Variants in PRPF38B observed in about 807,000 individuals in gnomAD.
The protein encoded by PRPF38B is pre-mRNA processing factor 38B.
Under a neutral mutation model 67.2 loss-of-function variants are expected in PRPF38B, and 18 were observed. The observed-to-expected ratio is 0.27, with a 90% CI of 0.19 to 0.40. PRPF38B has a LOEUF of 0.40. Ranked by LOEUF, PRPF38B falls within the 10% of genes least tolerant of loss-of-function variation. The probability of loss-of-function intolerance (pLI) is 1.00; values close to 1 mark genes in which losing one functional copy is unlikely to be tolerated. For missense variants in PRPF38B, 544 were observed against 684.9 expected (o/e 0.79, Z 2.30); for synonymous variants, 246 against 234.2 (o/e 1.05, Z -0.46).
rs6672613 is a variant in PRPF38B, at chr1:108,699,090, A to C, written c.783-72A>C. ...AGGACATGAATAAATAATGCTGTTG[A>C]AAGTTTTACTGTGAAAAGAATTGCA... On this transcript the variant is annotated intron_variant, in intron 5 of 5. Transcript: ENST00000370025. 2.0e-3 allele frequency: 2,976 copies of C among 1,523,810 alleles called. 55 individuals carry two copies. In the African/African-American group the frequency reaches 0.038, roughly 19 times the overall value. The allele number at this position is 1,523,810 out of a possible 1,614,324, so 94.4% of individuals were successfully genotyped here. A position where few individuals can be genotyped will look rare whatever the true frequency, so the allele number is the denominator to read the frequency against.
chr1:108,698,513 G>T, intron 4 of PRPF38B, 91 bp from the exon 5 acceptor site: 1 of 934,428 alleles, frequency 1.1e-6, no homozygotes, highest in Non-Finnish European at 1.6e-6. Context: ...TTTTTGTATT[G>T]AGATTCCAAA....
chr1:108,702,621 A>G lies in PRPF38B; in HGVS notation c.*2601A>G, dbSNP rs1418448303. On this transcript the variant is annotated 3_prime_UTR_variant, in exon 6 of 6. Transcript: ENST00000370025. ...GAGAACATTTGGACACGAACATCAC[A>G]CGCCGGGGCCTGTTGTGGGGTGGGG... is the stretch of plus-strand genomic sequence containing the variant. Among the ~76,000 whole-genome samples the G allele has an allele frequency of 6.6e-6, 1 of 151,976 alleles. No homozygotes were observed. The highest frequency in any genetic ancestry group is 1.5e-5 in the Non-Finnish European group (1 of 67,986).
Position 108,699,226 on chromosome 1 carries a change from C to A in PRPF38B, c.847C>A (p.Arg283=). 4 of 1,613,540 alleles carry A rather than the reference C, an allele frequency of 2.5e-6. No individual in the cohort carries two copies. The highest frequency in any genetic ancestry group is 3.4e-6 in the Non-Finnish European group (4 of 1,179,888). Residue 283 remains arginine (R), a synonymous_variant, in exon 6 of 6, where the codon CGG becomes AGG. Transcript: ENST00000370025. ...AAGGTCAAGAAGTAGAAGTCATCAT[C>A]GGGAGGGCCATGGGTCTTCTAGTTT... The part of the protein sequence containing the change: ...PRRSRSRSHH[R]EGHGSSSFDR...
intron 1 of PRPF38B, among the ~76,000 whole-genome samples, chr1:108,693,358 G>GA (rs1194579657): frequency 6.6e-6 from 1 of 152,068 alleles, no homozygotes. Context: ...GTCGGGTGGG[G>GA]TGGGGGGATG....
At position 108,699,879 on chromosome 1, in the gene PRPF38B, T is replaced by A; in HGVS notation, c.1500T>A (p.Arg500=). 6.2e-7 allele frequency: 1 copy of A among 1,613,376 alleles called. No homozygotes were observed. The highest frequency in any genetic ancestry group is 8.5e-7 in the Non-Finnish European group (1 of 1,179,802). The change falls in exon 6 of 6, where the codon CGT becomes CGA. Residue 500 remains arginine, a synonymous_variant. Coordinates refer to ENST00000370025, the MANE Select transcript of PRPF38B (RefSeq NM_018061.4). ...CCAGCAAAGAAAAATCTAGAAAGCGTAGTAGAAGCAAAGAACGTTCCCACA... is the reference window on the plus strand; with the variant it reads ...CCAGCAAAGAAAAATCTAGAAAGCGAAGTAGAAGCAAAGAACGTTCCCACA... ...HSPSKEKSRK[R]SRSKERSHKR...
At chr1:108,693,164 G>C (rs1161587828) in intron 1 of PRPF38B, among the ~76,000 whole-genome samples, 1 of 152,358 alleles carries the variant, frequency 6.6e-6, no homozygotes, top group Non-Finnish European at 1.5e-5. Context: ...GGAGGAAAGA[G>C]TAACAGAAGC....
rs1423625212 is a variant in PRPF38B at position 108,701,039 on chromosome 1, TAA to T, written c.*1020_*1021del. 1 of 152,672 alleles carries T rather than the reference TAA, an allele frequency of 6.5e-6. No homozygotes were observed. The highest frequency in any genetic ancestry group is 2.4e-5 in the African/African-American group (1 of 41,464). 9.5% of individuals were successfully genotyped at this position (152,672 alleles called of 1,614,324 possible). A position where few individuals can be genotyped will look rare whatever the true frequency, so the allele number is the denominator to read the frequency against. On this transcript the variant is annotated 3_prime_UTR_variant, in exon 6 of 6. Coordinates refer to ENST00000370025, the MANE Select transcript of PRPF38B (RefSeq NM_018061.4). ...AGATTGCTGTTTGAGTTTTTAAACTTAATCTAGAACAGAGGAGTATTAAAAGT... is the reference window on the plus strand; with the variant it reads ...AGATTGCTGTTTGAGTTTTTAAACTTTCTAGAACAGAGGAGTATTAAAAGT...
In PRPF38B at chr1:108,699,635, C is replaced by T; in HGVS notation, c.1256C>T (p.Ser419Phe). 6.4e-7 allele frequency: 1 copy of T among 1,556,264 alleles called. No individual in the cohort carries two copies. Residue 419 changes from serine to phenylalanine, a missense_variant, in exon 6 of 6, where the codon TCC becomes TTC. Ser to Phe is a radical substitution (Grantham distance 155, BLOSUM62 -2). Transcript: ENST00000370025. ...CGGCACAGAGATGACAAAAGAGATT[C>T]CAAGAAAGAGAAAAAACACAGTAGA... is the stretch of plus-strand genomic sequence containing the variant. ...DRRHRDDKRD[S>F]KKEKKHSRSR...
chr1:108,697,033 G>C (rs941303218), intron 4 of PRPF38B: 1 of 438,142 alleles, frequency 2.3e-6, no homozygotes, highest in African/African-American at 2.0e-5. Flanking sequence ...AACACTTCGA[G>C]AGTTCAAGAC....
At chr1:108,692,888 G>A (rs1401026717) in intron 1 of PRPF38B, 21 bp downstream of exon 1, 1 of 1,596,510 alleles carries the variant, frequency 6.3e-7, no homozygotes, top group African/African-American at 1.3e-5. Flanking sequence ...TGTAGGCCTT[G>A]GCTTTGGGGG....
chr1:108,692,420 G>T lies in PRPF38B; in HGVS notation c.-172G>T. The T allele has an allele frequency of 1.4e-6, 1 of 732,308 alleles. No homozygotes were observed. Among genetic ancestry groups the T allele is most frequent in the Non-Finnish European group, 2.2e-6 (1 of 461,626 alleles). 45.4% of individuals were successfully genotyped at this position (732,308 alleles called of 1,614,324 possible). On this transcript the variant is annotated 5_prime_UTR_variant, in exon 1 of 6. Coordinates refer to ENST00000370025, the MANE Select transcript of PRPF38B (RefSeq NM_018061.4). ...TTTCGCTGTCTGCTCTTGGCCCGGG[G>T]TCATTTTGTCGGCGTCGGGTGCCCT...
rs776094238 is a variant in PRPF38B, at chr1:108,692,789, C to T, written c.198C>T (p.Ile66=). 3.7e-6 allele frequency: 6 copies of T among 1,614,188 alleles called. No individual in the cohort carries two copies. Among genetic ancestry groups the T allele is most frequent in the Non-Finnish European group, 5.1e-6 (6 of 1,180,044 alleles). The change falls in exon 1 of 6, where the codon ATC becomes ATT. Residue 66 remains isoleucine, a synonymous_variant. Coordinates refer to ENST00000370025, the MANE Select transcript of PRPF38B (RefSeq NM_018061.4). ...MNLNPMILTN[I]LSSPYFKVQL... ...TCAACCCCATGATCCTGACCAACATCCTGTCGTCGCCTTACTTCAAAGTAC... is the reference window on the plus strand; with the variant it reads ...TCAACCCCATGATCCTGACCAACATTCTGTCGTCGCCTTACTTCAAAGTAC...
chr1:108,697,773 T>C (rs1489646000), intron 4 of PRPF38B: 1 of 152,234 alleles, frequency 6.6e-6, no homozygotes, highest in African/African-American at 2.4e-5. Context: ...AAATCTGAGG[T>C]CCTCTATTTA....
At chr1:108,694,664 C>T (rs1287562978) in intron 1 of PRPF38B, among the ~76,000 whole-genome samples, 1 of 152,072 alleles carries the variant, frequency 6.6e-6, no homozygotes, top group Non-Finnish European at 1.5e-5. Context: ...GCACGCTTTT[C>T]TATCTAAAGC....
Position 108,692,608 on chromosome 1 carries a change from C to G in PRPF38B, c.17C>G (p.Pro6Arg), listed in dbSNP as rs1191301104. MANNS[P>R]ALTGNSQPQH... is the part of the protein sequence containing the mutation. ...CGCCGCAACATGGCTAACAACAGCC[C>G]CGCGCTGACAGGCAACTCGCAGCCG... The change falls in exon 1 of 6, where the codon CCC (proline) becomes CGC (arginine). Residue 6 changes from proline (P) to arginine (R), a missense_variant. Coordinates refer to ENST00000370025, the MANE Select transcript of PRPF38B (RefSeq NM_018061.4). 6.3e-7 allele frequency: 1 copy of G among 1,599,498 alleles called. No homozygotes were observed.
rs184727542 is a variant in PRPF38B at position 108,698,377 on chromosome 1, A to C, written c.559-227A>C. The C allele has an allele frequency of 3.3e-5, 15 of 448,028 alleles. No individual in the cohort carries two copies. In the East Asian group the frequency reaches 4.8e-4, roughly 14 times the overall value. The allele number at this position is 448,028 out of a possible 1,614,324, so 27.8% of individuals were successfully genotyped here. A position where few individuals can be genotyped will look rare whatever the true frequency, so the allele number is the denominator to read the frequency against. On this transcript the variant is annotated intron_variant, in intron 4 of 5. Transcript: ENST00000370025. ...TTTTTCATATTGTTAACTGAGTGAG[A>C]TCAGTTCCCTTTATGCCTGTGAGGC...
chr1:108,700,381 G>C lies in PRPF38B; in HGVS notation c.*361G>C, dbSNP rs1660356646. The C allele has an allele frequency of 5.7e-6, 1 of 176,642 alleles. No individual in the cohort carries two copies. The highest frequency in any genetic ancestry group is 1.2e-5 in the Non-Finnish European group (1 of 83,260). The allele number at this position is 176,642 out of a possible 1,614,324, so 10.9% of individuals were successfully genotyped here. ...CCACTAATCTATTTTTGTTTTGTAG[G>C]TGTGGGATTATGGTTTGTGTACTGA... On this transcript the variant is annotated 3_prime_UTR_variant, in exon 6 of 6. Coordinates refer to ENST00000370025, the MANE Select transcript of PRPF38B (RefSeq NM_018061.4).
At position 108,696,013 on chromosome 1, in the gene PRPF38B, C is replaced by T. The variant is rs757676938; in HGVS notation, c.346-30C>T. The T allele has an allele frequency of 1.1e-5, 18 of 1,600,720 alleles. No homozygotes were observed. In the African/African-American group the frequency reaches 1.9e-4, roughly 17 times the overall value. The stretch of plus-strand genomic sequence containing the variant: ...TGTTAAGAGTCCGTTAATTATTTTA[C>T]TACTTTTTCTTAACTCGTTTCCCCT... On this transcript the variant is annotated intron_variant, in intron 2 of 5. Coordinates refer to ENST00000370025, the MANE Select transcript of PRPF38B (RefSeq NM_018061.4).
chr1:108,698,964 T>C, intron 5 of PRPF38B, 137 bp downstream of exon 5: 1 of 1,329,560 alleles, frequency 7.5e-7, no homozygotes, highest in Non-Finnish European at 1.0e-6. Flanking sequence ...CCCCAAAGAT[T>C]ATTTTCTTCC....
Sources: gnomAD v4.1 joint callset for allele counts (sites outside exome capture counted in the v4.1 genomes callset) on GRCh38, gnomAD v4.1.1 for gene constraint, MANE v1.5 for transcripts, NCBI Gene and HGNC (gene_info 2026-07-23, HGNC 2026-07-21) for gene names.